Variants in MYL4 observed in about 807,000 individuals in gnomAD.
MYL4 encodes the protein myosin light chain 4, also known as atrial myosin light chain 1.
In MYL4, 16 loss-of-function variants were observed where a neutral mutation model predicts 21.6. That is an observed-to-expected ratio of 0.74 (90% CI 0.50 to 1.12). MYL4 has a LOEUF of 1.12. MYL4 is among the 50% of genes most tolerant of loss of function. The probability of loss-of-function intolerance (pLI) is 0.00; values close to 1 mark genes in which losing one functional copy is unlikely to be tolerated. For synonymous variants in MYL4, 82 were observed against 95.7 expected, an observed-to-expected ratio of 0.86 and a Z score of 0.83; for missense variants, 249 against 252.9, an observed-to-expected ratio of 0.98 and a Z score of 0.11.
Position 47,220,430 on chromosome 17 carries a change from T to C in MYL4, c.313+377T>C, listed in dbSNP as rs149182955. Among the ~76,000 whole-genome samples, 434 of 152,326 alleles carry C rather than the reference T, an allele frequency of 2.8e-3. 2 individuals are homozygous for C. The highest frequency in any genetic ancestry group is 5.4e-3 in the South Asian group (26 of 4,824). Reference sequence around the variant, plus strand: ...AGGGGCATCTGTCACAGCACCGAGGTATCCTGTGGTGGCCATCGCGAGCTG... The same window carrying C: ...AGGGGCATCTGTCACAGCACCGAGGCATCCTGTGGTGGCCATCGCGAGCTG... On this transcript the variant is annotated intron_variant, in intron 3 of 6. Coordinates refer to ENST00000393450, the MANE Select transcript of MYL4 (RefSeq NM_002476.2).
upstream of MYL4, among the ~76,000 whole-genome samples, chr17:47,199,575 G>A (rs1442177107): frequency 1.3e-5 from 2 of 151,424 alleles, no homozygotes; most frequent in Non-Finnish European, 2.9e-5. Flanking sequence ...ATACAAATAC[G>A]TAGTTTTAAT....
At chr17:47,197,401 T>C (rs1364442163), upstream of MYL4, among the ~76,000 whole-genome samples, 2 of 151,970 alleles carry the variant, frequency 1.3e-5, no homozygotes, top group Non-Finnish European at 2.9e-5. Context: ...CCCGGCCAAA[T>C]CCTTAAGGGA....
intron 2 of MYL4, among the ~76,000 whole-genome samples, chr17:47,218,985 C>CT (rs1327555803): frequency 1.3e-5 from 2 of 152,312 alleles, no homozygotes; most frequent in East Asian, 3.9e-4. Flanking sequence ...TGTCGATTCC[C>CT]TTACCATATG....
At chr17:47,227,310 AGG>A (rs1039774235), downstream of MYL4, among the ~76,000 whole-genome samples, 3 of 152,188 alleles carry the variant, frequency 2.0e-5, no homozygotes, top group East Asian at 5.8e-4. Flanking sequence ...CCCATAACTA[AGG>A]TTTGGCACTT....
downstream of MYL4, among the ~76,000 whole-genome samples, chr17:47,225,079 C>T (rs62074386): frequency 1.3e-5 from 2 of 152,312 alleles, no homozygotes; most frequent in East Asian, 1.9e-4. Context: ...GAAATAAATC[C>T]TTCCCATGGC....
the MYL4 span, among the ~76,000 whole-genome samples, chr17:47,193,369 G>T: frequency 6.6e-6 from 1 of 152,102 alleles, no homozygotes; most frequent in Non-Finnish European, 1.5e-5. Flanking sequence ...CTGGGTTCAA[G>T]CGATTCTCCT....
chr17:47,222,937 G>A, intron 5 of MYL4, 77 bp from the exon 6 acceptor site: 2 of 1,552,518 alleles, frequency 1.3e-6, no homozygotes, highest in Non-Finnish European at 8.9e-7. Flanking sequence ...AAGTCAGGCA[G>A]TGTAGAGAAG....
chr17:47,199,323 A>G (rs1245197252), upstream of MYL4, among the ~76,000 whole-genome samples: 1 of 151,456 alleles, frequency 6.6e-6, no homozygotes, highest in Admixed American at 6.6e-5. Context: ...AAAACCCCAG[A>G]AAAACAAATA....
upstream of MYL4, among the ~76,000 whole-genome samples, chr17:47,199,375 A>G (rs1166670283): frequency 6.6e-6 from 1 of 151,672 alleles, no homozygotes; most frequent in African/African-American, 2.4e-5. Context: ...GAGAGTTTTC[A>G]GGCAGAACTA....
chr17:47,223,152 A>T lies in MYL4; in HGVS notation c.*15+95A>T, dbSNP rs2064869388. On this transcript the variant is annotated intron_variant, in intron 6 of 6. Transcript: ENST00000393450. ...CTAGAAGGCATCTGTCCCAGCCCTGACCCCTTAAGAGGAAACCTCTTGGGA... is the reference window on the plus strand; with the variant it reads ...CTAGAAGGCATCTGTCCCAGCCCTGTCCCCTTAAGAGGAAACCTCTTGGGA... 3.8e-6 allele frequency: 5 copies of T among 1,322,742 alleles called. No homozygotes were observed. In the African/African-American group the frequency reaches 4.4e-5, roughly 12 times the overall value. The allele number at this position is 1,322,742 out of a possible 1,614,324, so 81.9% of individuals were successfully genotyped here. A position where few individuals can be genotyped will look rare whatever the true frequency, so the allele number is the denominator to read the frequency against.
At chr17:47,220,436 G>C (rs571326611) in intron 3 of MYL4, among the ~76,000 whole-genome samples, 2 of 152,346 alleles carry the variant, frequency 1.3e-5, no homozygotes, top group East Asian at 3.9e-4. Context: ...GAGGTATCCT[G>C]TGGTGGCCAT....
intron 2 of MYL4, among the ~76,000 whole-genome samples, chr17:47,217,649 G>C (rs1489832934): frequency 6.6e-6 from 1 of 152,044 alleles, no homozygotes; most frequent in Non-Finnish European, 1.5e-5. Flanking sequence ...CTATGTGCTG[G>C]TCATTGTGTT....
upstream of MYL4, among the ~76,000 whole-genome samples, chr17:47,205,087 C>T (rs1251586805): frequency 6.6e-6 from 1 of 152,166 alleles, no homozygotes; most frequent in Non-Finnish European, 1.5e-5. Flanking sequence ...TTTGCGAGCT[C>T]AGCCCAAATG....
intron 3 of MYL4, 95 bp downstream of exon 3, chr17:47,220,148 T>C: frequency 7.0e-7 from 1 of 1,419,796 alleles, no homozygotes; most frequent in Non-Finnish European, 9.3e-7. Flanking sequence ...CTGCACTCTC[T>C]CTTCTCCTGC....
chr17:47,222,493 G>GGAT (rs1382236227), intron 5 of MYL4, 36 bp downstream of exon 5: 1 of 1,604,884 alleles, frequency 6.2e-7, no homozygotes, highest in Non-Finnish European at 8.5e-7. Context: ...GGGCAGCCAG[G>GGAT]GATGGTAGGA....
upstream of MYL4, among the ~76,000 whole-genome samples, chr17:47,198,659 G>A (rs565514989): frequency 1.4e-4 from 22 of 152,260 alleles, no homozygotes; most frequent in African/African-American, 5.1e-4. Flanking sequence ...AGTTGGGAGA[G>A]CCTCAGATGA....
upstream of MYL4, among the ~76,000 whole-genome samples, chr17:47,197,102 T>G (rs1461276454): frequency 7.7e-5 from 5 of 65,216 alleles, no homozygotes; most frequent in Admixed American, 6.0e-4. Context: ...GTTTTTTTTT[T>G]TTTTTTTTTT....
At chr17:47,223,079 T>C (rs779215163) in intron 6 of MYL4, 22 bp downstream of exon 6, 8 of 1,613,644 alleles carry the variant, frequency 5.0e-6, no homozygotes, top group Non-Finnish European at 6.8e-6. Context: ...CTCTCCCTCC[T>C]GGTCCCTTCC....
At chr17:47,211,889 G>T (rs1375828733) in intron 1 of MYL4, among the ~76,000 whole-genome samples, 1 of 152,112 alleles carries the variant, frequency 6.6e-6, no homozygotes, top group East Asian at 1.9e-4. Flanking sequence ...GTGGGGTGGG[G>T]TGCATAAGGA....
Sources: allele counts gnomAD v4.1 joint callset (sites outside exome capture counted in the v4.1 genomes callset), GRCh38; gene constraint gnomAD v4.1.1; transcripts MANE v1.5; gene names NCBI Gene and HGNC (gene_info 2026-07-23, HGNC 2026-07-21).